VSIG10: variants seen among roughly 807,000 people sequenced by gnomAD.
VSIG10 encodes V-set and immunoglobulin domain-containing protein 10.
A neutral mutation model predicts 58.7 loss-of-function variants in VSIG10; 48 were observed. The ratio of observed to expected loss-of-function variants is 0.82; its 90% CI spans 0.65 to 1.04. The LOEUF (loss-of-function observed/expected upper bound fraction) is 1.04. Among genes scored for constraint, VSIG10 ranks in the 50% least tolerant of loss-of-function variants. The pLI, the probability that VSIG10 is intolerant of heterozygous loss-of-function variation, is 0.00. For missense variants in VSIG10, 628 were observed against 670.0 expected (o/e 0.94, Z 0.69); for synonymous variants, 260 against 267.1 (o/e 0.97, Z 0.26).
intron 6 of VSIG10, 139 bp downstream of exon 6, chr12:118,071,220 T>G (rs1455421279): frequency 1.3e-5 from 15 of 1,189,606 alleles, no homozygotes; most frequent in Admixed American, 2.0e-5. Context: ...CTTAGGTGAC[T>G]TATTACTGTG....
chr12:118,074,242 C>A (rs1214400519), intron 4 of VSIG10, among the ~76,000 whole-genome samples: 2 of 151,970 alleles, frequency 1.3e-5, no homozygotes, highest in East Asian at 3.9e-4. Flanking sequence ...CGCCACCACA[C>A]CTGGCTAATT....
intron 1 of VSIG10, among the ~76,000 whole-genome samples, chr12:118,099,390 C>T (rs2033563760): frequency 6.6e-6 from 1 of 152,204 alleles, no homozygotes; most frequent in Admixed American, 6.6e-5. Flanking sequence ...CCACTCAGAC[C>T]CACCTCGGGC....
At chr12:118,074,434 T>C (rs2032629946) in intron 4 of VSIG10, among the ~76,000 whole-genome samples, 1 of 151,928 alleles carries the variant, frequency 6.6e-6, no homozygotes, top group African/African-American at 2.4e-5. Flanking sequence ...GTTACCATGG[T>C]TGACTACAGT....
chr12:118,079,821 A>ATTTCTTTC (rs141622446), intron 3 of VSIG10, among the ~76,000 whole-genome samples: 1 of 150,684 alleles, frequency 6.6e-6, no homozygotes, highest in Non-Finnish European at 1.5e-5. Flanking sequence ...TCACCTTTGC[A>ATTTCTTTC]TTTCTTTCTT....
intron 4 of VSIG10, among the ~76,000 whole-genome samples, chr12:118,078,632 G>A (rs566846606): frequency 1.1e-3 from 171 of 152,052 alleles, no homozygotes; most frequent in African/African-American, 3.9e-3. Context: ...CACAGCCTAC[G>A]GAACTATGAG....
In VSIG10 at chr12:118,065,197, C is replaced by T. The variant is rs913784160; in HGVS notation, c.*1442G>A. The T allele has an allele frequency of 5.3e-5, 8 of 152,236 alleles. No individual in the cohort carries two copies. The highest frequency in any genetic ancestry group is 2.6e-4 in the Admixed American group (4 of 15,284). The allele number at this position is 152,236 out of a possible 1,614,324, so 9.4% of individuals were successfully genotyped here. A position where few individuals can be genotyped will look rare whatever the true frequency, so the allele number is the denominator to read the frequency against. ...CAGGAAGGAAACAAGTTTTCCTCTT[C>T]CCACTTCCAAGACTGAGAAAGAGTC... On this transcript the variant is annotated 3_prime_UTR_variant, in exon 9 of 9. Coordinates refer to ENST00000359236, the MANE Select transcript of VSIG10 (RefSeq NM_019086.6).
At chr12:118,084,584 A>G (rs964305636) in intron 2 of VSIG10, among the ~76,000 whole-genome samples, 6 of 152,062 alleles carry the variant, frequency 3.9e-5, no homozygotes, top group African/African-American at 1.5e-4. Flanking sequence ...TCTCTGCTAC[A>G]GATAAGCTTG....
intron 2 of VSIG10, among the ~76,000 whole-genome samples, chr12:118,089,311 A>G (rs752821708): frequency 6.6e-6 from 1 of 152,202 alleles, no homozygotes; most frequent in African/African-American, 2.4e-5. Flanking sequence ...CCTTGCCTTT[A>G]TCTCCCTACA....
At chr12:118,088,766 C>A (rs772223784) in intron 2 of VSIG10, among the ~76,000 whole-genome samples, 2 of 152,096 alleles carry the variant, frequency 1.3e-5, no homozygotes, top group Non-Finnish European at 2.9e-5. Context: ...GTATTTGAAT[C>A]AAAGGGTATC....
At chr12:118,098,817 A>G (rs947321795) in intron 1 of VSIG10, among the ~76,000 whole-genome samples, 2 of 152,128 alleles carry the variant, frequency 1.3e-5, no homozygotes, top group Non-Finnish European at 2.9e-5. Flanking sequence ...GCCTCACCCC[A>G]AAACACCTAG....
intron 1 of VSIG10, among the ~76,000 whole-genome samples, chr12:118,096,848 G>A (rs1592896017): frequency 1.3e-5 from 2 of 151,826 alleles, no homozygotes; most frequent in East Asian, 3.9e-4. Flanking sequence ...AGACCAGCCT[G>A]GCCAACATGA....
At chr12:118,078,315 C>T (rs1293071394) in intron 4 of VSIG10, among the ~76,000 whole-genome samples, 4 of 152,058 alleles carry the variant, frequency 2.6e-5, no homozygotes, top group East Asian at 3.9e-4. Flanking sequence ...TGCGCCACCA[C>T]GCCCAACTAA....
intron 1 of VSIG10, among the ~76,000 whole-genome samples, chr12:118,099,347 A>C (rs1033901840): frequency 2.6e-5 from 4 of 152,138 alleles, no homozygotes; most frequent in African/African-American, 9.6e-5. Context: ...TATGTTGCCC[A>C]GGCTGGTCTT....
rs975848722 is a variant in VSIG10, at chr12:118,093,104, A to G, written c.361+2429T>C. Among the ~76,000 whole-genome samples the G allele has an allele frequency of 2.7e-5, 4 of 150,402 alleles. No homozygotes were observed. The South Asian group carries it at 8.4e-4, about 32-fold the overall frequency. On this transcript the variant is annotated intron_variant, in intron 2 of 8. Transcript: ENST00000359236. ...GGAGATCGAGACCATCCTGGCTAAC[A>G]CAGTGAAACCCTGTCTCTGCTAAAA...
chr12:118,094,900 C>T (rs868146209), intron 2 of VSIG10, among the ~76,000 whole-genome samples: 19 of 146,442 alleles, frequency 1.3e-4, no homozygotes, highest in African/African-American at 4.1e-4. Flanking sequence ...CCATGCCTGG[C>T]GAATTTTTTT....
chr12:118,092,695 C>T (rs1277957214), intron 2 of VSIG10, among the ~76,000 whole-genome samples: 6 of 146,158 alleles, frequency 4.1e-5, no homozygotes, highest in Admixed American at 7.1e-5. Context: ...AATGCAGTGG[C>T]GTGATCACAG....
intron 1 of VSIG10, among the ~76,000 whole-genome samples, chr12:118,100,874 G>C (rs1236896919): frequency 1.3e-5 from 2 of 152,336 alleles, no homozygotes; most frequent in Admixed American, 1.3e-4. Flanking sequence ...AAATTATCCA[G>C]TGGCAACCGC....
chr12:118,085,839 C>T (rs759514406), intron 2 of VSIG10, among the ~76,000 whole-genome samples: 1 of 125,886 alleles, frequency 7.9e-6, no homozygotes. Context: ...GGCAACAGAG[C>T]GAGACTTCGT....
At chr12:118,086,041 A>G (rs1053780682) in intron 2 of VSIG10, among the ~76,000 whole-genome samples, 1 of 150,666 alleles carries the variant, frequency 6.6e-6, no homozygotes, top group East Asian at 2.0e-4. Context: ...TGCGTGTAAT[A>G]CCACCTACTT....
Sources: allele counts gnomAD v4.1 joint callset (sites outside exome capture counted in the v4.1 genomes callset), GRCh38; gene constraint gnomAD v4.1.1; transcripts MANE v1.5; gene names NCBI Gene and HGNC (gene_info 2026-07-23, HGNC 2026-07-21).